Variants in MYO16 observed in about 807,000 individuals in gnomAD.
MYO16 encodes myosin XVI, also known as unconventional myosin-XVI.
A neutral mutation model predicts 205.3 loss-of-function variants in MYO16; 94 were observed. That is an observed-to-expected ratio of 0.46 (90% CI 0.39 to 0.54). MYO16 has a LOEUF of 0.54. MYO16 is among the 20% of genes least tolerant of loss of function. MYO16 has a pLI of 0.00. For missense variants in MYO16, 2,315 were observed against 2,387.5 expected, an observed-to-expected ratio of 0.97 and a Z score of 0.63; for synonymous variants, 988 against 954.0, an observed-to-expected ratio of 1.04 and a Z score of -0.66.
chr13:109,181,423 A>T (rs1879445680), intron 34 of MYO16, among the ~76,000 whole-genome samples: 1 of 152,272 alleles, frequency 6.6e-6, no homozygotes, highest in African/African-American at 2.4e-5. Context: ...GTATGGACAC[A>T]TGCAGGGAAC....
At chr13:108,838,121 C>T (rs2063708941) in intron 9 of MYO16, among the ~76,000 whole-genome samples, 1 of 152,130 alleles carries the variant, frequency 6.6e-6, no homozygotes, top group Non-Finnish European at 1.5e-5. Flanking sequence ...CTGACAGATT[C>T]AAACCTCAGC....
At chr13:108,997,410 G>GGAAAGGAAAA (rs1885064056) in intron 21 of MYO16, among the ~76,000 whole-genome samples, 1 of 104,460 alleles carries the variant, frequency 9.6e-6, no homozygotes, top group African/African-American at 4.3e-5. Flanking sequence ...GAGAGTGGGA[G>GGAAAGGAAAA]GAAAGGAAAG....
chr13:108,874,203 G>GTT (rs36011024), intron 12 of MYO16, among the ~76,000 whole-genome samples: 15 of 151,276 alleles, frequency 9.9e-5, no homozygotes, highest in African/African-American at 2.9e-4. Context: ...ATCCTATCAG[G>GTT]TTTTTTTTTA....
At chr13:108,962,745 T>A (rs1883636812) in intron 19 of MYO16, among the ~76,000 whole-genome samples, 1 of 152,192 alleles carries the variant, frequency 6.6e-6, no homozygotes, top group Non-Finnish European at 1.5e-5. Flanking sequence ...AAACCATCAA[T>A]CCAAGAGGGT....
chr13:108,791,947 A>G (rs1191863902), intron 5 of MYO16, among the ~76,000 whole-genome samples: 3 of 152,252 alleles, frequency 2.0e-5, no homozygotes, highest in Non-Finnish European at 4.4e-5. Flanking sequence ...ATGAAATCAG[A>G]TAAGAGACAA....
intron 1 of MYO16, among the ~76,000 whole-genome samples, chr13:108,601,322 C>A (rs1041756812): frequency 5.3e-5 from 8 of 152,034 alleles, no homozygotes; most frequent in African/African-American, 1.7e-4. Flanking sequence ...TGTACACCAC[C>A]AGCAGAGTAA....
intron 4 of MYO16, among the ~76,000 whole-genome samples, chr13:108,769,973 T>C (rs1485953673): frequency 6.6e-6 from 1 of 152,214 alleles, no homozygotes; most frequent in Non-Finnish European, 1.5e-5. Context: ...TATAATAATG[T>C]TATTTATAGT....
intron 33 of MYO16, among the ~76,000 whole-genome samples, chr13:109,176,474 CT>C (rs944960288): frequency 1.4e-4 from 19 of 131,888 alleles, no homozygotes; most frequent in African/African-American, 4.8e-4. Context: ...AATCCGTTTT[CT>C]TTTTTTTTAT....
chr13:108,573,365 T>A, the MYO16 span, among the ~76,000 whole-genome samples: 2 of 152,294 alleles, frequency 1.3e-5, no homozygotes, highest in African/African-American at 4.8e-5. Context: ...TGTCATTTTT[T>A]AAAAAATAAA....
intron 1 of MYO16, among the ~76,000 whole-genome samples, chr13:108,636,891 A>T (rs576536046): frequency 1.3e-5 from 2 of 152,262 alleles, no homozygotes; most frequent in East Asian, 3.9e-4. Flanking sequence ...TTTTACCCAC[A>T]CTATTTTATA....
At chr13:108,752,694 T>A (rs1443228688) in intron 4 of MYO16, among the ~76,000 whole-genome samples, 1 of 150,084 alleles carries the variant, frequency 6.7e-6, no homozygotes, top group African/African-American at 2.5e-5. Context: ...CAGGCTGGAG[T>A]GCAGTGGTAT....
chr13:109,099,781 G>A (rs1158132044), intron 27 of MYO16, among the ~76,000 whole-genome samples: 1 of 152,120 alleles, frequency 6.6e-6, no homozygotes, highest in Non-Finnish European at 1.5e-5. Context: ...TACTTGCTCT[G>A]AGGAAAGCAA....
intron 4 of MYO16, among the ~76,000 whole-genome samples, chr13:108,739,421 T>C (rs1451386164): frequency 6.6e-6 from 1 of 152,208 alleles, no homozygotes; most frequent in Non-Finnish European, 1.5e-5. Flanking sequence ...GATATGAAAT[T>C]CTGGGTTGAG....
chr13:108,960,845 T>G (rs924151301), intron 17 of MYO16, among the ~76,000 whole-genome samples: 1 of 152,286 alleles, frequency 6.6e-6, no homozygotes, highest in Non-Finnish European at 1.5e-5. Context: ...GGTCTCATTT[T>G]TTTTATGCAG....
At chr13:108,683,755 T>G (rs1566548325) in intron 2 of MYO16, among the ~76,000 whole-genome samples, 1 of 152,222 alleles carries the variant, frequency 6.6e-6, no homozygotes, top group Non-Finnish European at 1.5e-5. Context: ...AGATAAGGTT[T>G]AGCATTAAGC....
chr13:108,605,768 G>C (rs1878932648), intron 1 of MYO16, among the ~76,000 whole-genome samples: 1 of 152,150 alleles, frequency 6.6e-6, no homozygotes, highest in Non-Finnish European at 1.5e-5. Flanking sequence ...CAGTAAATTG[G>C]TACCAGGGTA....
intron 16 of MYO16, among the ~76,000 whole-genome samples, chr13:108,915,446 T>G (rs553879931): frequency 6.6e-6 from 1 of 152,354 alleles, no homozygotes; most frequent in East Asian, 1.9e-4. Context: ...CAAAAGTTTC[T>G]TTTTCACTTA....
At chr13:108,933,487 G>A (rs544569730) in intron 16 of MYO16, among the ~76,000 whole-genome samples, 8 of 151,226 alleles carry the variant, frequency 5.3e-5, no homozygotes, top group East Asian at 3.9e-4. Flanking sequence ...ATGTAAGATC[G>A]ATTATTTGGA....
At chr13:109,078,326 C>T (rs1238158005) in intron 27 of MYO16, among the ~76,000 whole-genome samples, 1 of 151,524 alleles carries the variant, frequency 6.6e-6, no homozygotes, top group Non-Finnish European at 1.5e-5. Context: ...GTAGTACCAG[C>T]TATTCAGGAG....
Sources: gnomAD v4.1 joint callset for allele counts (sites outside exome capture counted in the v4.1 genomes callset) on GRCh38, gnomAD v4.1.1 for gene constraint, MANE v1.5 for transcripts, NCBI Gene and HGNC (gene_info 2026-07-23, HGNC 2026-07-21) for gene names.